The following PDE4D variants were observed in gnomAD, a reference collection of about 807,000 sequenced individuals.
The protein encoded by PDE4D is 3',5'-cyclic-AMP phosphodiesterase 4D.
PDE4D carries 24 observed loss-of-function variants against 87.4 expected under a neutral mutation model. That is an observed-to-expected ratio of 0.27 (90% CI 0.20 to 0.39). The LOEUF is 0.39. PDE4D is among the 10% of genes least tolerant of loss of function. The pLI, the probability that PDE4D is intolerant of heterozygous loss-of-function variation, is 1.00. For missense variants in PDE4D, 714 were observed against 1,041.0 expected (o/e 0.69, Z 4.32); for synonymous variants, 384 against 383.2 (o/e 1.00, Z -0.02).
rs1746835876 is a variant in PDE4D, at chr5:60,460,448, T to A, written c.-90+27494A>T. ...GACACTTGTGGATGCTTGACAAATG[T>A]TGTTACCCCAAAATTTGGGATTTTG... is the stretch of plus-strand genomic sequence containing the variant. On this transcript the variant is annotated intron_variant, in intron 1 of 16. Coordinates refer to the PDE4D transcript ENST00000502484. 6.0e-6 allele frequency: 9 copies of A among 1,498,778 alleles called. No individual in the cohort carries two copies. In the Admixed American group the frequency reaches 1.5e-4, roughly 25 times the overall value. The allele number at this position is 1,498,778 out of a possible 1,614,324, so 92.8% of individuals were successfully genotyped here.
At chr5:59,167,203 G>T (rs1440049939) in intron 5 of PDE4D, among the ~76,000 whole-genome samples, 2 of 152,158 alleles carry the variant, frequency 1.3e-5, no homozygotes, top group African/African-American at 4.8e-5. Flanking sequence ...GGGTGAGCAG[G>T]ACAGCCAGCC....
In PDE4D at chr5:59,197,454, C is replaced by T. The variant is rs1033693968; in HGVS notation, c.648-3918G>A. Among the ~76,000 whole-genome samples the T allele has an allele frequency of 5.5e-4, 83 of 152,010 alleles. 1 individual carries two copies. Among genetic ancestry groups the T allele is most frequent in the Non-Finnish European group, 2.1e-4 (14 of 67,972 alleles). On this transcript the variant is annotated intron_variant, in intron 2 of 14. Coordinates refer to ENST00000340635, the MANE Select transcript of PDE4D (RefSeq NM_001104631.2). ...CTAGCATTTCAGTGGCAGATGTCCTCGATAAACGGCAGGTTATAGCCTATC... is the reference window on the plus strand; with the variant it reads ...CTAGCATTTCAGTGGCAGATGTCCTTGATAAACGGCAGGTTATAGCCTATC...
At chr5:59,490,823 TA>T in intron 1 of PDE4D, among the ~76,000 whole-genome samples, 1 of 152,320 alleles carries the variant, frequency 6.6e-6, no homozygotes, top group African/African-American at 2.4e-5. Context: ...ACCACGAAAG[TA>T]AAAGGCTCAT....
At chr5:59,710,291 A>T (rs1754025877) in intron 1 of PDE4D, among the ~76,000 whole-genome samples, 1 of 152,182 alleles carries the variant, frequency 6.6e-6, no homozygotes, top group South Asian at 2.1e-4. Flanking sequence ...TGTACTTAGC[A>T]TGAGAGGCAG....
chr5:59,943,534 G>A (rs942676937), intron 3 of PDE4D, among the ~76,000 whole-genome samples: 2 of 152,106 alleles, frequency 1.3e-5, no homozygotes, highest in Admixed American at 6.6e-5. Context: ...TATAGTTTAG[G>A]TTTCAATCCT....
At chr5:59,524,317 T>C (rs1190003925) in intron 1 of PDE4D, among the ~76,000 whole-genome samples, 2 of 152,186 alleles carry the variant, frequency 1.3e-5, no homozygotes, top group East Asian at 1.9e-4. Context: ...ATACGAACAA[T>C]GACGTCCAGG....
At chr5:59,600,812 G>A (rs949880097) in intron 1 of PDE4D, among the ~76,000 whole-genome samples, 5 of 152,066 alleles carry the variant, frequency 3.3e-5, no homozygotes, top group African/African-American at 1.2e-4. Context: ...TAGCACCTGC[G>A]ATAACAAATG....
At position 59,988,669 on chromosome 5, in the gene PDE4D, G is replaced by C. The variant is rs1266456259; in HGVS notation, c.91C>G (p.Arg31Gly). 1 of 1,598,872 alleles carries C rather than the reference G, an allele frequency of 6.3e-7. No individual in the cohort carries two copies. Among genetic ancestry groups the C allele is most frequent in the Non-Finnish European group, 8.5e-7 (1 of 1,179,366 alleles). Reference sequence around the variant, plus strand: ...CGGACAAGATAGGGTTCCATTCCGCGGAAAGGGTCTTCCTCTTCATTACTG... The same window carrying C: ...CGGACAAGATAGGGTTCCATTCCGCCGAAAGGGTCTTCCTCTTCATTACTG... The change falls in exon 3 of 17, where the codon CGC becomes GGC. Residue 31 changes from arginine (R) to glycine (G), a missense_variant. Arg to Gly is a moderately radical substitution (Grantham distance 125). Transcript: ENST00000502484.
At chr5:58,981,569 T>C (rs1234826532) in intron 11 of PDE4D, among the ~76,000 whole-genome samples, 1 of 151,692 alleles carries the variant, frequency 6.6e-6, no homozygotes, top group Non-Finnish European at 1.5e-5. Flanking sequence ...GCTTAATATA[T>C]GTATATATAC....
chr5:59,277,735 C>T (rs1451429552), intron 1 of PDE4D, among the ~76,000 whole-genome samples: 1 of 152,156 alleles, frequency 6.6e-6, no homozygotes, highest in African/African-American at 2.4e-5. Flanking sequence ...TACCGTCCCC[C>T]AGATCCATGT....
chr5:60,033,484 T>C (rs1453319572), intron 2 of PDE4D, among the ~76,000 whole-genome samples: 4 of 152,190 alleles, frequency 2.6e-5, no homozygotes, highest in Admixed American at 2.0e-4. Context: ...GTGAATTTTA[T>C]TTTATCCATT....
intron 1 of PDE4D, among the ~76,000 whole-genome samples, chr5:59,503,553 T>C (rs1000984322): frequency 6.6e-6 from 1 of 152,212 alleles, no homozygotes; most frequent in Non-Finnish European, 1.5e-5. Flanking sequence ...CAGAGTAGAA[T>C]GGAATGCTCA....
intron 1 of PDE4D, among the ~76,000 whole-genome samples, chr5:59,490,998 A>G (rs937073823): frequency 6.6e-6 from 1 of 152,226 alleles, no homozygotes; most frequent in East Asian, 1.9e-4. Context: ...GAGATTGGCC[A>G]AGATTATTTC....
chr5:59,985,629 G>T (rs1762386382), intron 3 of PDE4D, among the ~76,000 whole-genome samples: 1 of 152,112 alleles, frequency 6.6e-6, no homozygotes, highest in Admixed American at 6.5e-5. Flanking sequence ...CTTTTGAAAT[G>T]AAACCCTTGT....
chr5:59,245,565 G>A (rs1370627600), intron 1 of PDE4D, among the ~76,000 whole-genome samples: 1 of 152,042 alleles, frequency 6.6e-6, no homozygotes, highest in Non-Finnish European at 1.5e-5. Flanking sequence ...CTGAGTTTTC[G>A]AAAAATCTTA....
intron 5 of PDE4D, among the ~76,000 whole-genome samples, chr5:59,078,984 G>T (rs780956629): frequency 1.3e-5 from 2 of 152,064 alleles, no homozygotes; most frequent in African/African-American, 2.4e-5. Context: ...CTGCCATGTG[G>T]TGATGCAACA....
rs540863201 is a variant in PDE4D at position 60,107,538 on chromosome 5, A to T, written c.42+78019T>A. ...CCAGCATCATCCTGATACCAAAGCC[A>T]GGCAGAGACACAACCAAAAAAGAGA... On this transcript the variant is annotated intron_variant, in intron 2 of 16. Transcript: ENST00000502484. Among the ~76,000 whole-genome samples the T allele has an allele frequency of 4.3e-4, 66 of 152,206 alleles. No individual in the cohort carries two copies. In the South Asian group the frequency reaches 0.013, roughly 30 times the overall value.
At chr5:59,467,588 G>T (rs796182735) in intron 1 of PDE4D, among the ~76,000 whole-genome samples, 7 of 152,202 alleles carry the variant, frequency 4.6e-5, no homozygotes, top group African/African-American at 1.7e-4. Context: ...TTACTAAAAG[G>T]GCTATGCTGA....
intron 3 of PDE4D, among the ~76,000 whole-genome samples, chr5:59,905,196 G>A (rs1752686129): frequency 6.6e-6 from 1 of 152,148 alleles, no homozygotes; most frequent in Admixed American, 6.6e-5. Flanking sequence ...CTGGCTCAGT[G>A]CATGGAAAAC....
Sources: allele counts gnomAD v4.1 joint callset (sites outside exome capture counted in the v4.1 genomes callset), GRCh38; gene constraint gnomAD v4.1.1; transcripts MANE v1.5; gene names NCBI Gene and HGNC (gene_info 2026-07-23, HGNC 2026-07-21).